IFT172: variants seen among roughly 807,000 people sequenced by gnomAD.
The protein encoded by IFT172 is intraflagellar transport 172, also known as intraflagellar transport protein 172 homolog.
In IFT172, 164 loss-of-function variants were observed where a neutral mutation model predicts 248.9. The ratio of observed to expected loss-of-function variants is 0.66; its 90% CI spans 0.58 to 0.75. The LOEUF (loss-of-function observed/expected upper bound fraction) is 0.75. IFT172 is among the 30% of genes least tolerant of loss of function. IFT172 has a pLI of 0.00. For synonymous variants in IFT172, 729 were observed against 791.6 expected (o/e 0.92, Z 1.33); for missense variants, 1,950 against 2,192.4 (o/e 0.89, Z 2.21).
At chr2:27,474,819 T>C (rs752302754) in intron 14 of IFT172, among the ~76,000 whole-genome samples, 27 of 152,058 alleles carry the variant, frequency 1.8e-4, no homozygotes, top group South Asian at 4.1e-4. Context: ...ACCAAAGTGC[T>C]GGGATTACAG....
At chr2:27,468,723 C>T (rs79620389) in intron 16 of IFT172, among the ~76,000 whole-genome samples, 1 of 151,734 alleles carries the variant, frequency 6.6e-6, no homozygotes, top group South Asian at 2.1e-4. Context: ...GTGGCAGGCG[C>T]CTGTAGTCCT....
chr2:27,459,705 A>G lies in IFT172; in HGVS notation c.2642+4T>C. The G allele has an allele frequency of 1.9e-6, 3 of 1,611,884 alleles. No individual in the cohort carries two copies. The highest frequency in any genetic ancestry group is 2.5e-6 in the Non-Finnish European group (3 of 1,179,998). ...ATCTCCTTTACATTCCCATACTCCCATACCTGGCTTCGATGTAGTGATTAA... is the reference window on the plus strand; with the variant it reads ...ATCTCCTTTACATTCCCATACTCCCGTACCTGGCTTCGATGTAGTGATTAA... On this transcript the variant is annotated splice_donor_region_variant and intron_variant, in intron 24 of 47. Transcript: ENST00000260570.
rs1381064305 is a variant in IFT172 at position 27,481,115 on chromosome 2, T to C, written c.716A>G (p.Gln239Arg). ...TACAGCTGTGGTGAACTCCCGCTCC[T>C]GAGGGTCACGGCTATAATCAAAAGT... is the stretch of plus-strand genomic sequence containing the variant. ...LQTFDYSRDP[Q>R]EREFTTAVSS... Residue 239 changes from glutamine to arginine, a missense_variant, in exon 8 of 48, where the codon CAG becomes CGG. Physicochemically the swap from Gln to Arg is conservative, Grantham distance 43 (BLOSUM62 1). Transcript: ENST00000260570. 6.2e-7 allele frequency: 1 copy of C among 1,614,106 alleles called. No homozygotes were observed. Among genetic ancestry groups the C allele is most frequent in the Admixed American group, 1.7e-5 (1 of 60,018 alleles).
rs1182424796 is a variant in IFT172 at position 27,457,876 on chromosome 2, C to G, written c.3076G>C (p.Asp1026His). 6.2e-7 allele frequency: 1 copy of G among 1,614,058 alleles called. No individual in the cohort carries two copies. Among genetic ancestry groups the G allele is most frequent in the Non-Finnish European group, 8.5e-7 (1 of 1,180,032 alleles). The change falls in exon 28 of 48, where the codon GAT becomes CAT. Residue 1026 changes from aspartate to histidine, a missense_variant. By Grantham distance (81) the Asp-to-His change is moderately conservative. Coordinates refer to ENST00000260570, the MANE Select transcript of IFT172 (RefSeq NM_015662.3). The stretch of plus-strand genomic sequence containing the variant: ...TGTAGGTGTGTATCACTGAGGAGAT[C>G]TGGATGGTGCTTCCCTACCAGGCGG... ...MIRLVGKHHP[D>H]LLSDTHLHLG... is the part of the protein sequence containing the mutation.
intron 16 of IFT172, among the ~76,000 whole-genome samples, chr2:27,468,848 C>CA (rs563611084): frequency 3.9e-3 from 235 of 59,906 alleles, no homozygotes; most frequent in Middle Eastern, 9.8e-3. Context: ...CACTCCGTCT[C>CA]AAAAAAAAAA....
chr2:27,446,968 G>A (rs2148470942), intron 42 of IFT172, among the ~76,000 whole-genome samples: 1 of 152,020 alleles, frequency 6.6e-6, no homozygotes, highest in South Asian at 2.1e-4. Flanking sequence ...CAAAGTGCTG[G>A]GATTACAGGC....
At chr2:27,482,356 G>C (rs867388915) in intron 7 of IFT172, among the ~76,000 whole-genome samples, 1 of 150,488 alleles carries the variant, frequency 6.6e-6, no homozygotes, top group African/African-American at 2.4e-5. Flanking sequence ...AATGGCATGC[G>C]ATCTTGGCTC....
rs755954370 is a variant in IFT172 at position 27,445,806 on chromosome 2, G to GAGTGGTCA, written c.4845_4852dup (p.Ser1618LeufsTer60). On this transcript the variant is annotated frameshift_variant, in exon 45 of 48. Transcript: ENST00000260570. LOFTEE classifies it high-confidence loss of function. The surrounding 1 kb of genome is among the most constrained non-coding windows in gnomAD (Gnocchi z 4.4). ...GGGAATGTCTGTATCCTGAAAATCA[G>GAGTGGTCA]AGTGGTCAAGGCCATCTAGAGTCCC... 1 of 1,614,152 alleles carries GAGTGGTCA rather than the reference G, an allele frequency of 6.2e-7. No individual in the cohort carries two copies.
At position 27,462,787 on chromosome 2, in the gene IFT172, C is replaced by T. The variant is rs1223309009; in HGVS notation, c.2029G>A (p.Glu677Lys). Reference protein sequence around the residue: ...ADQVSREYGGEGTDFYQVRAR... With the variant: ...ADQVSREYGGKGTDFYQVRAR... ...CGGACCTGATAAAAGTCTGTTCCTTCTCCGCCCTGTGGGGGAAAAAGGAGG... is the reference window on the plus strand; with the variant it reads ...CGGACCTGATAAAAGTCTGTTCCTTTTCCGCCCTGTGGGGGAAAAAGGAGG... Residue 677 changes from glutamate to lysine, a missense_variant, in exon 20 of 48, where the codon GAA becomes AAA. Physicochemically the swap from Glu to Lys is moderately conservative, Grantham distance 56. Around this residue, in one of 3 missense-constraint regions of IFT172, gnomAD observed 1,166 missense variants for 1,254.1 expected, o/e 0.93. Transcript: ENST00000260570. 6.2e-7 allele frequency: 1 copy of T among 1,614,066 alleles called. No homozygotes were observed. Among genetic ancestry groups the T allele is most frequent in the East Asian group, 2.2e-5 (1 of 44,892 alleles).
chr2:27,477,446 C>T lies in IFT172; in HGVS notation c.1221+113G>A, dbSNP rs115428958. 2,900 of 1,204,696 alleles carry T rather than the reference C, an allele frequency of 2.4e-3. 49 individuals carry two copies. The African/African-American group carries it at 0.039, about 16-fold the overall frequency. 74.6% of individuals were successfully genotyped at this position (1,204,696 alleles called of 1,614,324 possible). ...GTTCTCTTACCCTGCCAATTTCATC[C>T]TCCCTGTTTCTTTATCTGCTGTTTC... On this transcript the variant is annotated intron_variant, in intron 12 of 47. Transcript: ENST00000260570.
At chr2:27,448,224 C>T (rs531140121) in intron 40 of IFT172, among the ~76,000 whole-genome samples, 28 of 150,934 alleles carry the variant, frequency 1.9e-4, no homozygotes, top group Admixed American at 6.6e-4. Flanking sequence ...CTCAGCCTCC[C>T]GAGTAGCTGG....
At chr2:27,470,264 G>C (rs974304459) in intron 16 of IFT172, among the ~76,000 whole-genome samples, 1 of 122,618 alleles carries the variant, frequency 8.2e-6, no homozygotes, top group Non-Finnish European at 1.8e-5. Flanking sequence ...GAGAGAAAGA[G>C]AGAGAGAAAA....
At chr2:27,488,390 G>GACT (rs34489863) in intron 1 of IFT172, among the ~76,000 whole-genome samples, 64,706 of 151,218 alleles carry the variant, frequency 0.43, 14,248 homozygotes, top group African/African-American at 0.5. Flanking sequence ...CTGACCTCAG[G>GACT]TGATCCGCCC....
chr2:27,481,425 T>TCACACACACACA (rs71401571), intron 7 of IFT172, among the ~76,000 whole-genome samples, 165 bp from the exon 8 acceptor site: 5 of 145,160 alleles, frequency 3.4e-5, no homozygotes, highest in African/African-American at 1.0e-4. Context: ...TCACAAATTG[T>TCACACACACACA]CACACACACA....
Position 27,445,176 on chromosome 2 carries a change from G to C in IFT172, c.5069-71C>G, listed in dbSNP as rs931222015. On this transcript the variant is annotated intron_variant, in intron 46 of 47. Transcript: ENST00000260570. The surrounding 1 kb of genome is among the most constrained non-coding windows in gnomAD (Gnocchi z 4.4). Reference sequence around the variant, plus strand: ...AGGAGGGAAAAATGAGGAGCAGCCTGGGGGGTAGAAAGCACAGTCCTGTCT... The same window carrying C: ...AGGAGGGAAAAATGAGGAGCAGCCTCGGGGGTAGAAAGCACAGTCCTGTCT... 3 of 1,596,630 alleles carry C rather than the reference G, an allele frequency of 1.9e-6. No individual in the cohort carries two copies. The highest frequency in any genetic ancestry group is 1.3e-5 in the African/African-American group (1 of 74,428).
chr2:27,479,318 T>C (rs1558408040), intron 10 of IFT172, among the ~76,000 whole-genome samples, 191 bp downstream of exon 10: 1 of 152,180 alleles, frequency 6.6e-6, no homozygotes, highest in East Asian at 1.9e-4. Context: ...ACTTTTCTTA[T>C]AATAAGCTGC....
chr2:27,466,120 T>A lies in IFT172; in HGVS notation c.1693-238A>T, dbSNP rs116322578. 2.9e-3 allele frequency: 1,550 copies of A among 535,992 alleles called. 14 individuals carry two copies. Among genetic ancestry groups the A allele is most frequent in the African/African-American group, 0.027 (1,414 of 52,658 alleles). 33.2% of individuals were successfully genotyped at this position (535,992 alleles called of 1,614,324 possible). A position where few individuals can be genotyped will look rare whatever the true frequency, so the allele number is the denominator to read the frequency against. On this transcript the variant is annotated intron_variant, in intron 16 of 47. Transcript: ENST00000260570. The stretch of plus-strand genomic sequence containing the variant: ...ACTCTTGGAGGTATAAAGTGTGGCA[T>A]TCACTTCTGCTTCCAGCAGTACCAT...
At chr2:27,485,266 T>G in intron 2 of IFT172, 94 bp downstream of exon 2, 1 of 1,580,530 alleles carries the variant, frequency 6.3e-7, no homozygotes, top group Non-Finnish European at 8.6e-7. Flanking sequence ...GGTATGCCAT[T>G]TCCTATGCTG....
chr2:27,483,370 A>G lies in IFT172; in HGVS notation c.489T>C (p.Ser163=), dbSNP rs2148555870. Residue 163 remains serine, a synonymous_variant, in exon 7 of 48, where the codon TCT becomes TCC. Coordinates refer to ENST00000260570, the MANE Select transcript of IFT172 (RefSeq NM_015662.3). ...CATGACCAGAGAGAATTCCTTTCCC[A>G]GAGCAACTAAAAAAGGAGAAAGGAG... is the stretch of plus-strand genomic sequence containing the variant. The part of the protein sequence containing the change: ...SYVVSLTTNC[S]GKGILSGHAD... The G allele has an allele frequency of 6.3e-7, 1 of 1,599,802 alleles. No individual in the cohort carries two copies. The highest frequency in any genetic ancestry group is 8.6e-7 in the Non-Finnish European group (1 of 1,167,066).
Sources: allele counts gnomAD v4.1 joint callset (sites outside exome capture counted in the v4.1 genomes callset), GRCh38; gene constraint gnomAD v4.1.1; regional missense constraint gnomAD v4.1.1; non-coding constraint Gnocchi (gnomAD v3.1); transcripts MANE v1.5; gene names NCBI Gene and HGNC (gene_info 2026-07-23, HGNC 2026-07-21).